DPH6: variants seen among roughly 807,000 people sequenced by gnomAD.
DPH6 encodes diphthamine biosynthesis 6.
Under a neutral mutation model 38.2 loss-of-function variants are expected in DPH6, and 33 were observed. The observed-to-expected ratio is 0.86, with a 90% CI of 0.65 to 1.15. DPH6 has a LOEUF of 1.15. Ranked by LOEUF, DPH6 falls within the 50% of genes most tolerant of loss-of-function variation. DPH6 has a pLI of 0.00. For synonymous variants in DPH6, 108 were observed against 103.0 expected (o/e 1.05, Z -0.30); for missense variants, 325 against 320.0 (o/e 1.02, Z -0.12).
the DPH6 span, among the ~76,000 whole-genome samples, chr15:35,161,415 T>A: frequency 1.3e-5 from 2 of 151,952 alleles, no homozygotes; most frequent in Non-Finnish European, 2.9e-5. Flanking sequence ...CTCCTGTAGT[T>A]AAGTATTCAT....
At chr15:35,305,650 G>A (rs775803106) in intron 3 of DPH6, among the ~76,000 whole-genome samples, 10 of 151,970 alleles carry the variant, frequency 6.6e-5, no homozygotes, top group Non-Finnish European at 1.2e-4. Context: ...TAAAAAGCAC[G>A]AAAGATCTTT....
chr15:35,435,986 T>C (rs1036814738), intron 5 of DPH6, among the ~76,000 whole-genome samples: 1 of 151,968 alleles, frequency 6.6e-6, no homozygotes, highest in African/African-American at 2.4e-5. Flanking sequence ...TCTTTTACTA[T>C]AGCAGTCATC....
the DPH6 span, among the ~76,000 whole-genome samples, chr15:35,192,492 T>C: frequency 6.6e-6 from 1 of 152,210 alleles, no homozygotes; most frequent in African/African-American, 2.4e-5. Flanking sequence ...ACATTAATGT[T>C]TACTCATCAT....
At chr15:35,236,532 G>A (rs560283181) in intron 3 of DPH6, among the ~76,000 whole-genome samples, 5 of 152,034 alleles carry the variant, frequency 3.3e-5, no homozygotes, top group Admixed American at 1.3e-4. Context: ...CCAGCTACTC[G>A]GGAGGCTGAG....
Position 35,456,471 on chromosome 15 carries a change from A to ATATT in DPH6, c.313-1655_313-1652dup, listed in dbSNP as rs938028015. ...AAGTCAAATTACTATATATATATATATATTTATTTATTTATTTATTATTAT... is the reference window on the plus strand; with the variant it reads ...AAGTCAAATTACTATATATATATATATATTTATTTATTTATTTATTTATTATTAT... On this transcript the variant is annotated intron_variant, in intron 3 of 8. Coordinates refer to ENST00000256538, the MANE Select transcript of DPH6 (RefSeq NM_080650.4). Among the ~76,000 whole-genome samples, 24 of 146,856 alleles carry ATATT rather than the reference A, an allele frequency of 1.6e-4. No homozygotes were observed. The East Asian group carries it at 3.5e-3, about 22-fold the overall frequency.
At chr15:35,395,095 C>T (rs903651190) in intron 6 of DPH6, among the ~76,000 whole-genome samples, 2 of 152,142 alleles carry the variant, frequency 1.3e-5, no homozygotes, top group African/African-American at 2.4e-5. Context: ...CTTTCTCAAC[C>T]TTGTTCTCTG....
intron 4 of DPH6, among the ~76,000 whole-genome samples, chr15:35,453,645 C>G (rs1330237885): frequency 2.0e-5 from 3 of 152,110 alleles, no homozygotes; most frequent in Admixed American, 6.5e-5. Flanking sequence ...CATCCATCGT[C>G]CAGAGATTCT....
chr15:35,445,051 T>A (rs907759308), intron 5 of DPH6, among the ~76,000 whole-genome samples: 3 of 152,208 alleles, frequency 2.0e-5, no homozygotes, highest in Admixed American at 2.0e-4. Flanking sequence ...ATATTATGTA[T>A]CAAATACAGC....
intron 3 of DPH6, among the ~76,000 whole-genome samples, chr15:35,354,064 T>A (rs1480416897): frequency 1.3e-5 from 2 of 152,212 alleles, no homozygotes; most frequent in African/African-American, 2.4e-5. Flanking sequence ...AGTTCACTCA[T>A]GATTTGGCTC....
At chr15:35,460,775 A>G (rs1229901928) in intron 3 of DPH6, among the ~76,000 whole-genome samples, 4 of 152,104 alleles carry the variant, frequency 2.6e-5, no homozygotes, top group Non-Finnish European at 5.9e-5. Context: ...TTCTTCTCCA[A>G]TCTCTGTCAA....
At chr15:35,520,865 A>C in intron 3 of DPH6, 1 of 985,124 alleles carries the variant, frequency 1.0e-6, no homozygotes, top group Non-Finnish European at 1.2e-6. Flanking sequence ...GCCTCTAATA[A>C]AGGAACCCAA....
intron 3 of DPH6, among the ~76,000 whole-genome samples, chr15:35,337,382 C>T (rs1251053884): frequency 6.6e-6 from 1 of 151,680 alleles, no homozygotes; most frequent in Non-Finnish European, 1.5e-5. Context: ...TCTTATACAC[C>T]AATAACAGAC....
At chr15:35,369,369 A>G (rs747936710), downstream of DPH6, among the ~76,000 whole-genome samples, 1 of 151,882 alleles carries the variant, frequency 6.6e-6, no homozygotes, top group African/African-American at 2.4e-5. Context: ...GTTAAGATGC[A>G]TCTGAAATAC....
chr15:35,543,325 G>C (rs954851768), intron 1 of DPH6, among the ~76,000 whole-genome samples: 1 of 142,168 alleles, frequency 7.0e-6, no homozygotes, highest in Non-Finnish European at 1.5e-5. Flanking sequence ...AACTAGGCTT[G>C]AGCTATAAAT....
chr15:35,464,549 C>A (rs193009553), intron 3 of DPH6, among the ~76,000 whole-genome samples: 49 of 152,174 alleles, frequency 3.2e-4, no homozygotes, highest in African/African-American at 1.1e-3. Flanking sequence ...TAAAATCTGA[C>A]AAATATTTTT....
intron 3 of DPH6, among the ~76,000 whole-genome samples, chr15:35,246,595 T>C (rs573448854): frequency 6.6e-6 from 1 of 152,212 alleles, no homozygotes. Context: ...TACCCCATGA[T>C]ACAGGCATTT....
the DPH6 span, among the ~76,000 whole-genome samples, chr15:35,148,806 A>G: frequency 2.0e-5 from 3 of 152,182 alleles, no homozygotes; most frequent in Non-Finnish European, 1.5e-5. Context: ...ACTACAGAGT[A>G]AAAAATAATA....
chr15:35,522,355 C>T (rs956480878), intron 3 of DPH6: 1 of 1,410,638 alleles, frequency 7.1e-7, no homozygotes, highest in Non-Finnish European at 9.7e-7. Flanking sequence ...GCTGGATTAC[C>T]ATCTTTCACC....
At chr15:35,368,719 T>A (rs1182528132), downstream of DPH6, among the ~76,000 whole-genome samples, 1 of 151,878 alleles carries the variant, frequency 6.6e-6, no homozygotes, top group East Asian at 1.9e-4. Flanking sequence ...TGAGTTACTA[T>A]GAGGAGAACA....
Sources: allele counts gnomAD v4.1 joint callset (sites outside exome capture counted in the v4.1 genomes callset), GRCh38; gene constraint gnomAD v4.1.1; transcripts MANE v1.5; gene names NCBI Gene and HGNC (gene_info 2026-07-23, HGNC 2026-07-21).